The following FBXL20 variants were observed in gnomAD, a reference collection of about 807,000 sequenced individuals.
FBXL20 encodes F-box/LRR-repeat protein 20.
Under a neutral mutation model 64.0 loss-of-function variants are expected in FBXL20, and 11 were observed. That is an observed-to-expected ratio of 0.17 (90% CI 0.11 to 0.28). FBXL20 has a LOEUF of 0.28. FBXL20 is among the 10% of genes least tolerant of loss of function. The probability of loss-of-function intolerance (pLI) is 1.00; values close to 1 mark genes in which losing one functional copy is unlikely to be tolerated. For missense variants in FBXL20, 303 were observed against 526.2 expected (o/e 0.58, Z 4.15); for synonymous variants, 184 against 189.0 (o/e 0.97, Z 0.22).
chr17:39,385,178 C>A (rs887268990), intron 1 of FBXL20, among the ~76,000 whole-genome samples: 1 of 151,868 alleles, frequency 6.6e-6, no homozygotes, highest in Middle Eastern at 3.2e-3. Flanking sequence ...GCTATGATGG[C>A]GCCACCGCAC....
chr17:39,380,997 T>C (rs917967238), intron 1 of FBXL20, among the ~76,000 whole-genome samples: 2 of 151,088 alleles, frequency 1.3e-5, no homozygotes, highest in South Asian at 2.1e-4. Flanking sequence ...CCGTCTCTAC[T>C]AAAAATACAA....
intron 1 of FBXL20, among the ~76,000 whole-genome samples, chr17:39,388,002 A>G (rs186406558): frequency 1.3e-5 from 2 of 152,328 alleles, no homozygotes; most frequent in East Asian, 1.9e-4. Context: ...ATTTGAATAT[A>G]TATTTGACAG....
At chr17:39,383,928 T>G (rs1032741910) in intron 1 of FBXL20, among the ~76,000 whole-genome samples, 2 of 152,010 alleles carry the variant, frequency 1.3e-5, no homozygotes, top group Admixed American at 1.3e-4. Context: ...TTTATTCATG[T>G]AAATTTTATA....
intron 1 of FBXL20, among the ~76,000 whole-genome samples, chr17:39,354,927 TTTTG>T (rs375812564): frequency 0.06 from 9,094 of 152,122 alleles, 260 homozygotes; most frequent in Non-Finnish European, 0.078. Flanking sequence ...TTCTTGGTTT[TTTTG>T]TTTGTTTGTT....
At chr17:39,382,733 G>A (rs572555977) in intron 1 of FBXL20, among the ~76,000 whole-genome samples, 10 of 151,964 alleles carry the variant, frequency 6.6e-5, no homozygotes, top group African/African-American at 1.4e-4. Flanking sequence ...GCAGCTACTC[G>A]GGAGGCTAAG....
At chr17:39,309,414 ATTAC>A (rs1170051024) in intron 2 of FBXL20, among the ~76,000 whole-genome samples, 1 of 152,182 alleles carries the variant, frequency 6.6e-6, no homozygotes, top group Non-Finnish European at 1.5e-5. Context: ...TTTTTGAAGG[ATTAC>A]TTAAACTAGG....
chr17:39,394,309 C>T (rs2048162030), intron 1 of FBXL20, among the ~76,000 whole-genome samples: 1 of 144,694 alleles, frequency 6.9e-6, no homozygotes, highest in South Asian at 2.2e-4. Context: ...GACAGAGTCT[C>T]GCTCTCTCGC....
chr17:39,262,304 T>TA (rs777099776), intron 14 of FBXL20, among the ~76,000 whole-genome samples: 8 of 152,078 alleles, frequency 5.3e-5, no homozygotes, highest in Non-Finnish European at 1.0e-4. Flanking sequence ...TTTTTTGAGA[T>TA]AGAGTTTCAT....
intron 2 of FBXL20, among the ~76,000 whole-genome samples, chr17:39,314,065 T>C (rs1345592184): frequency 1.3e-5 from 2 of 152,198 alleles, no homozygotes; most frequent in Non-Finnish European, 2.9e-5. Context: ...AAAGATTCCC[T>C]GTACCCATTA....
chr17:39,299,778 G>C (rs1313278679), intron 4 of FBXL20, among the ~76,000 whole-genome samples: 1 of 151,474 alleles, frequency 6.6e-6, no homozygotes, highest in African/African-American at 2.4e-5. Context: ...GCGAGACTCT[G>C]TCTCAAAACA....
In FBXL20 at chr17:39,298,986, T is replaced by C. The variant is rs1041646209; in HGVS notation, c.329+4A>G. On this transcript the variant is annotated splice_donor_region_variant and intron_variant, in intron 5 of 14. Coordinates refer to ENST00000264658, the MANE Select transcript of FBXL20 (RefSeq NM_032875.3). ...AGAAGATTAATCAATAGTTATGTTT[T>C]TACCTTAATGCATTGTCTCCCACTC... 2.5e-6 allele frequency: 4 copies of C among 1,608,968 alleles called. No homozygotes were observed. Among genetic ancestry groups the C allele is most frequent in the Middle Eastern group, 1.7e-4 (1 of 6,054 alleles).
At position 39,268,870 on chromosome 17, in the gene FBXL20, T is replaced by C. The variant is rs1242113978; in HGVS notation, c.890A>G (p.Asn297Ser). ...TDVGFTTLAR[N>S]CHELEKMDLE... ...GTCCATCTTTTCAAGTTCATGGCAATTCTACAAAGTACAAAAACAAACACA... is the reference window on the plus strand; with the variant it reads ...GTCCATCTTTTCAAGTTCATGGCAACTCTACAAAGTACAAAAACAAACACA... Residue 297 changes from asparagine (N) to serine (S), a missense_variant and splice_region_variant, in exon 12 of 15, where the codon AAT (asparagine) becomes AGT (serine). Coordinates refer to ENST00000264658, the MANE Select transcript of FBXL20 (RefSeq NM_032875.3). 3 of 1,613,642 alleles carry C rather than the reference T, an allele frequency of 1.9e-6. No individual in the cohort carries two copies. The highest frequency in any genetic ancestry group is 2.5e-6 in the Non-Finnish European group (3 of 1,179,740).
chr17:39,264,269 G>A lies in FBXL20; in HGVS notation c.1109C>T (p.Ala370Val). ...ACAGCTCTTCAAGTGCTCCAGGGAT[G>A]CATCTGTGATTAGTGGGCAGTTGTC... ...ELDNCPLITD[A>V]SLEHLKSCHS... The change falls in exon 14 of 15, where the codon GCA (alanine) becomes GTA (valine). Residue 370 changes from alanine (A) to valine (V), a missense_variant. Physicochemically the swap from Ala to Val is moderately conservative, Grantham distance 64. Transcript: ENST00000264658. 1.2e-6 allele frequency: 2 copies of A among 1,614,214 alleles called. No individual in the cohort carries two copies. Among genetic ancestry groups the A allele is most frequent in the Non-Finnish European group, 1.7e-6 (2 of 1,180,038 alleles).
At chr17:39,366,082 A>T (rs1341128535) in intron 1 of FBXL20, among the ~76,000 whole-genome samples, 2 of 152,032 alleles carry the variant, frequency 1.3e-5, no homozygotes, top group African/African-American at 4.8e-5. Context: ...CCCTCAAGCA[A>T]TCCTCCAGCC....
chr17:39,401,479 G>A lies in FBXL20; in HGVS notation c.-77C>T. The A allele has an allele frequency of 6.5e-7, 1 of 1,527,810 alleles. No individual in the cohort carries two copies. Among genetic ancestry groups the A allele is most frequent in the African/African-American group, 1.4e-5 (1 of 71,366 alleles). 94.6% of individuals were successfully genotyped at this position (1,527,810 alleles called of 1,614,324 possible). A position where few individuals can be genotyped will look rare whatever the true frequency, so the allele number is the denominator to read the frequency against. Reference sequence around the variant, plus strand: ...GACCGGGGGCCCAGGACAGGCCCGGGAGTTCCGGGACGGGGACTGGGCGCC... The same window carrying A: ...GACCGGGGGCCCAGGACAGGCCCGGAAGTTCCGGGACGGGGACTGGGCGCC... On this transcript the variant is annotated 5_prime_UTR_variant, in exon 1 of 15. Transcript: ENST00000264658.
chr17:39,326,413 C>T (rs994854086), intron 2 of FBXL20, among the ~76,000 whole-genome samples: 4 of 151,726 alleles, frequency 2.6e-5, no homozygotes, highest in Non-Finnish European at 5.9e-5. Context: ...TAATCCCAGG[C>T]GTTCCAAGCC....
At chr17:39,330,236 G>T (rs534348898) in intron 2 of FBXL20, among the ~76,000 whole-genome samples, 2 of 152,174 alleles carry the variant, frequency 1.3e-5, no homozygotes, top group Non-Finnish European at 2.9e-5. Context: ...GGCTGAGGTT[G>T]CAGTGAGCCA....
chr17:39,382,260 G>A (rs566970554), intron 1 of FBXL20, among the ~76,000 whole-genome samples: 20 of 151,954 alleles, frequency 1.3e-4, no homozygotes, highest in East Asian at 1.2e-3. Flanking sequence ...TGGCTAACAC[G>A]GTGAAACCCC....
At chr17:39,388,764 G>C (rs1038956688) in intron 1 of FBXL20, among the ~76,000 whole-genome samples, 1 of 148,994 alleles carries the variant, frequency 6.7e-6, no homozygotes, top group Non-Finnish European at 1.5e-5. Flanking sequence ...TTACAGGTGT[G>C]AGCCACCGCG....
Sources: allele counts gnomAD v4.1 joint callset (sites outside exome capture counted in the v4.1 genomes callset), GRCh38; gene constraint gnomAD v4.1.1; transcripts MANE v1.5; gene names NCBI Gene and HGNC (gene_info 2026-07-23, HGNC 2026-07-21).